The following CRAMP1 variants were observed in gnomAD, a reference collection of about 807,000 sequenced individuals.
CRAMP1 encodes cramped chromatin regulator 1, also known as protein cramped-like.
Under a neutral mutation model 115.4 loss-of-function variants are expected in CRAMP1, and 50 were observed. The ratio of observed to expected loss-of-function variants is 0.43; its 90% CI spans 0.35 to 0.55. The LOEUF (loss-of-function observed/expected upper bound fraction) is 0.55. Among genes scored for constraint, CRAMP1 ranks in the 20% least tolerant of loss-of-function variants. CRAMP1 has a pLI of 0.01. For missense variants in CRAMP1, 1,679 were observed against 1,721.7 expected (o/e 0.98, Z 0.44); for synonymous variants, 866 against 745.4 (o/e 1.16, Z -2.64).
intron 6 of CRAMP1, among the ~76,000 whole-genome samples, chr16:1,649,022 G>A (rs1716443916): frequency 6.6e-6 from 1 of 151,574 alleles, no homozygotes; most frequent in African/African-American, 2.4e-5. Context: ...TCATGCCACT[G>A]CAGTCCAGCC....
intron 6 of CRAMP1, among the ~76,000 whole-genome samples, chr16:1,647,634 C>G (rs116069349): frequency 0.018 from 2,695 of 150,422 alleles, 87 homozygotes; most frequent in African/African-American, 0.061. Context: ...CCCACCTACT[C>G]GGGAGGCTGG....
chr16:1,638,134 C>T (rs780117969), intron 5 of CRAMP1, among the ~76,000 whole-genome samples: 3 of 152,182 alleles, frequency 2.0e-5, no homozygotes, highest in Admixed American at 6.5e-5. Context: ...CACATGCTCG[C>T]GTGCACACAT....
At position 1,656,228 on chromosome 16, in the gene CRAMP1, C is replaced by A. The variant is rs749402671; in HGVS notation, c.1471C>A (p.Pro491Thr). 7.3e-5 allele frequency: 118 copies of A among 1,607,514 alleles called. No individual in the cohort carries two copies. Among genetic ancestry groups the A allele is most frequent in the Non-Finnish European group, 9.4e-5 (111 of 1,178,498 alleles). ...CTTGCAGAGCTCCGGAGAGAGTTCC[C>A]CCGAAAGCGCCCCCGGGGAGGGGGC... ...DALQSSGESS[P>T]ESAPGEGAAL... Residue 491 changes from proline (P) to threonine (T), a missense_variant, in exon 10 of 21, where the codon CCC becomes ACC. Transcript: ENST00000397412. This position sits in a 1 kb window ranked among gnomAD's most constrained non-coding sequence, Gnocchi z 5.6.
rs1476227617 is a variant in CRAMP1, at chr16:1,614,337, C to CG, written c.-1-299dup. ...CCGGGGCCGGGGCCGGGGCCGGGGC[C>CG]GGGCAGGGTCCGCCGAGCTGTCGCG... On this transcript the variant is annotated intron_variant, in intron 1 of 20. Transcript: ENST00000397412. This position sits in a 1 kb window ranked among gnomAD's most constrained non-coding sequence, Gnocchi z 4.4. Among the ~76,000 whole-genome samples the CG allele has an allele frequency of 4.9e-4, 71 of 144,068 alleles. No individual in the cohort carries two copies. In the East Asian group the frequency reaches 0.013, roughly 27 times the overall value. The allele number at this position is 144,068 out of a possible 152,430, so 94.5% of individuals were successfully genotyped here.
intron 3 of CRAMP1, among the ~76,000 whole-genome samples, chr16:1,626,371 T>G (rs1469551740): frequency 3.3e-5 from 5 of 152,238 alleles, no homozygotes; most frequent in Admixed American, 6.5e-5. Context: ...TAGAAGCTAG[T>G]ACTGGTGAGG....
intron 3 of CRAMP1, 22 bp downstream of exon 3, chr16:1,626,188 G>T (rs2036506765): frequency 6.9e-7 from 1 of 1,459,040 alleles, no homozygotes; most frequent in Non-Finnish European, 9.1e-7. Context: ...GTGGAGGCAC[G>T]GCCAGGCAGC....
intron 13 of CRAMP1, among the ~76,000 whole-genome samples, chr16:1,664,188 T>C (rs2036855658): frequency 6.6e-6 from 1 of 152,214 alleles, no homozygotes; most frequent in Non-Finnish European, 1.5e-5. Context: ...TTGTTCATGT[T>C]TTATCTGGAT....
rs1303690040 is a variant in CRAMP1, at chr16:1,661,567, A to C, written c.2414-923A>C. 3.9e-5 allele frequency among the ~76,000 whole-genome samples: 5 copies of C among 127,520 alleles called. No individual in the cohort carries two copies. In the East Asian group the frequency reaches 1.1e-3, roughly 29 times the overall value. 83.7% of individuals were successfully genotyped at this position (127,520 alleles called of 152,430 possible). A position where few individuals can be genotyped will look rare whatever the true frequency, so the allele number is the denominator to read the frequency against. On this transcript the variant is annotated intron_variant, in intron 11 of 20. Transcript: ENST00000397412. ...GGGGTCGGGTGAGGGGTCCTGTGAG[A>C]GGGGGCCAGTCCCTACTATGAAAGA...
chr16:1,674,158 A>G lies in CRAMP1; in HGVS notation c.*113A>G, dbSNP rs1417510827. 1.9e-6 allele frequency: 2 copies of G among 1,044,492 alleles called. No homozygotes were observed. The allele number at this position is 1,044,492 out of a possible 1,614,324, so 64.7% of individuals were successfully genotyped here. A position where few individuals can be genotyped will look rare whatever the true frequency, so the allele number is the denominator to read the frequency against. On this transcript the variant is annotated 3_prime_UTR_variant, in exon 21 of 21. Coordinates refer to ENST00000397412, the MANE Select transcript of CRAMP1 (RefSeq NM_020825.4). ...GCATCTCCGCACCCAAGACTGTGCA[A>G]CGGGCAGGAACGTGGTCACAGAGCT...
At chr16:1,620,673 A>G (rs767493005) in intron 2 of CRAMP1, 36 of 456,706 alleles carry the variant, frequency 7.9e-5, no homozygotes, top group Admixed American at 2.1e-4. Context: ...CTGGCTGTCT[A>G]TTAGCCGCGT....
chr16:1,635,170 T>C (rs1266148360), intron 4 of CRAMP1, among the ~76,000 whole-genome samples: 1 of 152,178 alleles, frequency 6.6e-6, no homozygotes, highest in Non-Finnish European at 1.5e-5. Context: ...AGTGCAAGGA[T>C]TACAGGCGTG....
intron 6 of CRAMP1, chr16:1,647,114 C>G: frequency 1.4e-6 from 1 of 701,668 alleles, no homozygotes; most frequent in Non-Finnish European, 2.6e-6. Flanking sequence ...GATTTCAGCC[C>G]AAAAGCGATT....
At chr16:1,632,087 G>A (rs2036551914) in intron 3 of CRAMP1, 125 bp from the exon 4 acceptor site, 2 of 1,005,606 alleles carry the variant, frequency 2.0e-6, no homozygotes, top group South Asian at 3.5e-5. Flanking sequence ...GAGCTTGGAA[G>A]GGCTGCTTGT....
chr16:1,657,603 G>A (rs1209148106), intron 10 of CRAMP1, among the ~76,000 whole-genome samples: 2 of 152,210 alleles, frequency 1.3e-5, no homozygotes, highest in East Asian at 1.9e-4. Flanking sequence ...ATGCGGTGCC[G>A]CAGCAGAATA....
intron 10 of CRAMP1, 110 bp from the exon 11 acceptor site, chr16:1,659,776 C>A: frequency 9.4e-7 from 1 of 1,065,378 alleles, no homozygotes; most frequent in Non-Finnish European, 1.4e-6. Context: ...GCCGTCATGA[C>A]ACTGTGCTTT....
intron 5 of CRAMP1, 57 bp from the exon 6 acceptor site, chr16:1,641,082 A>G (rs2036627997): frequency 8.4e-7 from 1 of 1,189,648 alleles, no homozygotes; most frequent in Non-Finnish European, 1.3e-6. Flanking sequence ...GGGAATCTTC[A>G]GTGGCTTTGC....
At chr16:1,673,115 C>T (rs1285340781) in intron 20 of CRAMP1, among the ~76,000 whole-genome samples, 2 of 151,400 alleles carry the variant, frequency 1.3e-5, no homozygotes, top group Non-Finnish European at 2.9e-5. Context: ...CCCCAGCTCT[C>T]CTCATGTCTC....
chr16:1,645,798 T>G (rs1382911002), intron 6 of CRAMP1, among the ~76,000 whole-genome samples: 5 of 152,184 alleles, frequency 3.3e-5, no homozygotes, highest in African/African-American at 1.2e-4. Flanking sequence ...CACATTGGAA[T>G]CATCCTGGGC....
At chr16:1,661,887 C>T (rs1446911283) in intron 11 of CRAMP1, among the ~76,000 whole-genome samples, 1 of 152,224 alleles carries the variant, frequency 6.6e-6, no homozygotes, top group Non-Finnish European at 1.5e-5. Flanking sequence ...ACAATACTAA[C>T]TCTCAAATAT....
Sources: gnomAD v4.1 joint callset for allele counts (sites outside exome capture counted in the v4.1 genomes callset) on GRCh38, gnomAD v4.1.1 for gene constraint, Gnocchi (gnomAD v3.1) non-coding constraint, MANE v1.5 for transcripts, NCBI Gene and HGNC (gene_info 2026-07-23, HGNC 2026-07-21) for gene names.